The following MLLT6 variants were observed in gnomAD, a reference collection of about 807,000 sequenced individuals.
MLLT6 encodes the protein MLLT6, PHD finger containing, also known as protein AF-17.
In MLLT6, 22 loss-of-function variants were observed where a neutral mutation model predicts 103.0. The observed-to-expected ratio is 0.21, with a 90% confidence interval of 0.15 to 0.31. MLLT6 has a LOEUF of 0.31. Among genes scored for constraint, MLLT6 ranks in the 10% least tolerant of loss-of-function variants. The pLI is 1.00. For missense variants in MLLT6, 1,199 were observed against 1,441.7 expected (o/e 0.83, Z 2.73); for synonymous variants, 606 against 623.5 (o/e 0.97, Z 0.42).
chr17:38,725,279 C>T (rs559263490), intron 19 of MLLT6: 3 of 535,450 alleles, frequency 5.6e-6, no homozygotes, highest in Non-Finnish European at 6.5e-6. Context: ...AAAAAGATGA[C>T]CCTCTGGGTA....
chr17:38,724,631 T>C lies in MLLT6; in HGVS notation c.2895T>C (p.Thr965=). The C allele has an allele frequency of 1.3e-6, 2 of 1,595,986 alleles. No homozygotes were observed. The highest frequency in any genetic ancestry group is 1.1e-5 in the South Asian group (1 of 89,684). ...TGGCCCCCTTGCAGGAACACCAGAC[T>C]GTTGTCTACCAGATGATCCAGCAGA... ...ASPQLTPEHQ[T]VVYQMIQQIQ... The change falls in exon 19 of 20, where the codon ACT becomes ACC. Residue 965 remains threonine, a synonymous_variant. Coordinates refer to ENST00000621332, the MANE Select transcript of MLLT6 (RefSeq NM_005937.4). The surrounding 1 kb of genome is among the most constrained non-coding windows in gnomAD (Gnocchi z 5.4).
chr17:38,713,637 CCT>C (rs1905220838), intron 8 of MLLT6: 1 of 152,388 alleles, frequency 6.6e-6, no homozygotes, highest in African/African-American at 2.4e-5. Context: ...CCAGGGCTCA[CCT>C]GGAGACCTTG....
chr17:38,705,472 G>GAGGAGGAGGA lies in MLLT6; in HGVS notation c.-151_-142dup. 2.2e-6 allele frequency: 1 copy of GAGGAGGAGGA among 456,430 alleles called. No individual in the cohort carries two copies. Among genetic ancestry groups the GAGGAGGAGGA allele is most frequent in the Non-Finnish European group, 3.9e-6 (1 of 253,862 alleles). 28.3% of individuals were successfully genotyped at this position (456,430 alleles called of 1,614,324 possible). ...CGAGGAGGAGGAGGAGGAGGACGCG[G>GAGGAGGAGGA]AGGAGGAGGAAGGAGGAGGCAAAGA... is the stretch of plus-strand genomic sequence containing the variant. On this transcript the variant is annotated 5_prime_UTR_variant, in exon 1 of 20. The change creates a premature stop within an existing upstream ORF in the 5' untranslated region. Coordinates refer to ENST00000621332, the MANE Select transcript of MLLT6 (RefSeq NM_005937.4).
chr17:38,708,238 G>GC (rs1443599114), intron 4 of MLLT6: 1 of 235,968 alleles, frequency 4.2e-6, no homozygotes, highest in Non-Finnish European at 8.2e-6. Flanking sequence ...TCAATGGAAC[G>GC]CAAGTTCTTG....
rs1906219770 is a variant in MLLT6 at position 38,729,712 on chromosome 17, C to T, written c.*4114C>T. The T allele has an allele frequency of 4.6e-6, 1 of 216,318 alleles. No individual in the cohort carries two copies. 13.4% of individuals were successfully genotyped at this position (216,318 alleles called of 1,614,324 possible). On this transcript the variant is annotated 3_prime_UTR_variant, in exon 20 of 20. Coordinates refer to ENST00000621332, the MANE Select transcript of MLLT6 (RefSeq NM_005937.4). ...ACCCGGATCTTGTATCTTTGTATAA[C>T]GGATGTTATTTGTACGAAGGGCAGT...
In MLLT6 at chr17:38,728,425, G is replaced by A. The variant is rs2143723954; in HGVS notation, c.*2827G>A. On this transcript the variant is annotated 3_prime_UTR_variant, in exon 20 of 20. Transcript: ENST00000621332. ...ATGTGGTTTGCAGAGCGGAAGCAGA[G>A]TTTGGAAACGCATGAGAGCAGAGCT... 4.3e-6 allele frequency: 1 copy of A among 233,476 alleles called. No individual in the cohort carries two copies. The highest frequency in any genetic ancestry group is 1.8e-4 in the South Asian group (1 of 5,534). 14.5% of individuals were successfully genotyped at this position (233,476 alleles called of 1,614,324 possible).
Position 38,716,238 on chromosome 17 carries a change from G to A in MLLT6, c.1037-129G>A. The A allele has an allele frequency of 1.0e-6, 1 of 957,334 alleles. No individual in the cohort carries two copies. Among genetic ancestry groups the A allele is most frequent in the South Asian group, 1.7e-5 (1 of 60,324 alleles). The allele number at this position is 957,334 out of a possible 1,614,324, so 59.3% of individuals were successfully genotyped here. ...TACTCATCCCAGGACACAGACAGTG[G>A]CAGAGCTGAGACAGGAAACCAGGCA... is the stretch of plus-strand genomic sequence containing the variant. On this transcript the variant is annotated intron_variant, in intron 9 of 19. Transcript: ENST00000621332. The surrounding 1 kb of genome is among the most constrained non-coding windows in gnomAD (Gnocchi z 5.6).
At position 38,721,931 on chromosome 17, in the gene MLLT6, C is replaced by A; in HGVS notation, c.2496C>A (p.Ser832Arg). The A allele has an allele frequency of 6.4e-7, 1 of 1,552,118 alleles. No homozygotes were observed. ...SRSSSSLSFH[S>R]TPPPLPLLQQ... The stretch of plus-strand genomic sequence containing the variant: ...GCAGCTCGTCGCTGTCCTTCCACAG[C>A]ACGCCCCCACCGCTGCCCCTCCTCC... Residue 832 changes from serine (S) to arginine (R), a missense_variant, in exon 17 of 20, where the codon AGC (serine) becomes AGA (arginine). By Grantham distance (110) the Ser-to-Arg change is moderately radical (BLOSUM62 -1). Transcript: ENST00000621332.
Position 38,720,473 on chromosome 17 carries a change from C to G in MLLT6, c.2257C>G (p.Leu753Val). The change falls in exon 15 of 20, where the codon CTC becomes GTC. Residue 753 changes from leucine to valine, a missense_variant. Leu to Val is a conservative substitution (Grantham distance 32). Transcript: ENST00000621332. ...GGCCAAAAAGGAGCGGCTGCAGATTCTCAACGTGCAGCTCTCTGTGCCCTT... is the reference window on the plus strand; with the variant it reads ...GGCCAAAAAGGAGCGGCTGCAGATTGTCAACGTGCAGCTCTCTGTGCCCTT... ...LTAKKERLQI[L>V]NVQLSVPFPA... The G allele has an allele frequency of 1.2e-6, 2 of 1,612,964 alleles. No individual in the cohort carries two copies. The highest frequency in any genetic ancestry group is 8.5e-7 in the Non-Finnish European group (1 of 1,179,960).
intron 7 of MLLT6, among the ~76,000 whole-genome samples, chr17:38,712,434 C>A (rs541768431): frequency 6.6e-6 from 1 of 152,200 alleles, no homozygotes; most frequent in Non-Finnish European, 1.5e-5. Flanking sequence ...TGTTCACGCG[C>A]GTGGTGCTCT....
chr17:38,715,514 G>C (rs1905296525), intron 8 of MLLT6, 98 bp from the exon 9 acceptor site: 2 of 1,445,774 alleles, frequency 1.4e-6, no homozygotes, highest in Non-Finnish European at 1.8e-6. Flanking sequence ...GGCTCTCCCA[G>C]TTGAGCTAGG....
intron 1 of MLLT6, chr17:38,705,995 A>G (rs929476921): frequency 5.0e-5 from 10 of 200,244 alleles, no homozygotes; most frequent in African/African-American, 1.9e-4. Flanking sequence ...CTAGGGAGCA[A>G]TGAGTGAACT....
chr17:38,720,510 C>T lies in MLLT6; in HGVS notation c.2294C>T (p.Pro765Leu), dbSNP rs758997375. Reference sequence around the variant, plus strand: ...CTCTCTGTGCCCTTCCCTGCCCTGCCTGCTGCCCTGCCTGCCGCCAACGGC... The same window carrying T: ...CTCTCTGTGCCCTTCCCTGCCCTGCTTGCTGCCCTGCCTGCCGCCAACGGC... ...VQLSVPFPAL[P>L]AALPAANGPV... is the part of the protein sequence containing the mutation. The change falls in exon 15 of 20, where the codon CCT becomes CTT. Residue 765 changes from proline (P) to leucine (L), a missense_variant. Physicochemically the swap from Pro to Leu is moderately conservative, Grantham distance 98. This residue lies in a region of MLLT6 where 1,034 missense variants were observed against 1,091.5 expected (regional missense o/e 0.95). Transcript: ENST00000621332. The T allele has an allele frequency of 1.2e-6, 2 of 1,612,356 alleles. No individual in the cohort carries two copies. Among genetic ancestry groups the T allele is most frequent in the Non-Finnish European group, 8.5e-7 (1 of 1,179,656 alleles).
At chr17:38,714,180 G>T (rs150617680) in intron 8 of MLLT6, 1 of 152,238 alleles carries the variant, frequency 6.6e-6, no homozygotes, top group African/African-American at 2.4e-5. Flanking sequence ...GAAGATGATG[G>T]GGCACAGGGA....
rs749151801 is a variant in MLLT6, at chr17:38,729,472, A to AC, written c.*3875dup. ...TTCACTTTCTCCAGCTCAACTTGGG[A>AC]CTTGGGTGGTGGGACTGGAGACCTC... On this transcript the variant is annotated 3_prime_UTR_variant, in exon 20 of 20. Coordinates refer to ENST00000621332, the MANE Select transcript of MLLT6 (RefSeq NM_005937.4). 182 of 233,306 alleles carry AC rather than the reference A, an allele frequency of 7.8e-4. No homozygotes were observed. Among genetic ancestry groups the AC allele is most frequent in the Non-Finnish European group, 1.3e-3 (149 of 117,966 alleles). 14.5% of individuals were successfully genotyped at this position (233,306 alleles called of 1,614,324 possible). A position where few individuals can be genotyped will look rare whatever the true frequency, so the allele number is the denominator to read the frequency against.
chr17:38,717,532 G>A lies in MLLT6; in HGVS notation c.1752G>A (p.Gly584=), dbSNP rs1421698858. 2.5e-6 allele frequency: 4 copies of A among 1,613,284 alleles called. No homozygotes were observed. The highest frequency in any genetic ancestry group is 3.3e-4 in the Middle Eastern group (2 of 6,054). ...PLSSSLLGPP[G]TSALPRLSRS... Reference sequence around the variant, plus strand: ...CCTCCAGCCTCCTGGGGCCCCCAGGGACCTCGGCCCTGCCCCGCCTCAGCC... The same window carrying A: ...CCTCCAGCCTCCTGGGGCCCCCAGGAACCTCGGCCCTGCCCCGCCTCAGCC... The change falls in exon 11 of 20, where the codon GGG becomes GGA. Residue 584 remains glycine (G), a synonymous_variant. Transcript: ENST00000621332.
intron 2 of MLLT6, 122 bp downstream of exon 2, chr17:38,707,151 CCT>C (rs1904965636): frequency 1.3e-6 from 1 of 767,630 alleles, no homozygotes; most frequent in Non-Finnish European, 2.1e-6. Context: ...ACACAGACTT[CCT>C]GTTTCCTGCA....
At chr17:38,715,939 G>A in intron 9 of MLLT6, 111 bp downstream of exon 9, 1 of 968,354 alleles carries the variant, frequency 1.0e-6, no homozygotes, top group Non-Finnish European at 1.5e-6. Flanking sequence ...CTTCTCCATT[G>A]GTTCAGGATA....
At chr17:38,725,131 C>T in intron 19 of MLLT6, 155 bp downstream of exon 19, 6 of 599,752 alleles carry the variant, frequency 1.0e-5, no homozygotes, top group Non-Finnish European at 1.7e-5. Flanking sequence ...CCTCTGCTTG[C>T]ACATGGGTGC....
Sources: allele counts gnomAD v4.1 joint callset (sites outside exome capture counted in the v4.1 genomes callset), GRCh38; gene constraint gnomAD v4.1.1; regional missense constraint gnomAD v4.1.1; non-coding constraint Gnocchi (gnomAD v3.1); transcripts MANE v1.5; gene names NCBI Gene and HGNC (gene_info 2026-07-23, HGNC 2026-07-21).